The following BLTP1 variants were observed in gnomAD, a reference collection of about 807,000 sequenced individuals.
The protein encoded by BLTP1 is fragile site-associated protein.
the BLTP1 span, chr4:122,183,611 C>T: frequency 1.4e-6 from 1 of 729,490 alleles, no homozygotes; most frequent in Non-Finnish European, 1.7e-6. Flanking sequence ...ATTTAGCAGA[C>T]CTAGGTTTTT....
the BLTP1 span, among the ~76,000 whole-genome samples, chr4:122,157,196 C>T: frequency 5.9e-5 from 9 of 152,134 alleles, no homozygotes; most frequent in Non-Finnish European, 1.0e-4. Flanking sequence ...CAAATTATCC[C>T]AGAACTTAGG....
chr4:122,349,221 G>A, the BLTP1 span: 2 of 1,613,428 alleles, frequency 1.2e-6, no homozygotes, highest in Admixed American at 3.3e-5. The surrounding 1 kb of genome is among the most constrained non-coding windows in gnomAD (Gnocchi z 4.5). Flanking sequence ...GTGATCGAGA[G>A]ATCAGCATGT....
chr4:122,195,016 C>G, the BLTP1 span, among the ~76,000 whole-genome samples: 2 of 152,158 alleles, frequency 1.3e-5, no homozygotes, highest in African/African-American at 4.8e-5. Flanking sequence ...GCAGCCGTTT[C>G]CTCTTCTCCT....
At chr4:122,325,003 G>A in the BLTP1 span, among the ~76,000 whole-genome samples, 23 of 151,996 alleles carry the variant, frequency 1.5e-4, no homozygotes, top group African/African-American at 2.6e-4. Flanking sequence ...GCACTATAAC[G>A]TAAGAAGTAT....
chr4:122,285,112 T>C, the BLTP1 span, among the ~76,000 whole-genome samples: 1 of 152,150 alleles, frequency 6.6e-6, no homozygotes, highest in Non-Finnish European at 1.5e-5. Context: ...TGGTCACTTA[T>C]TCAGGGCACC....
chr4:122,356,513 A>G, the BLTP1 span: 1 of 1,148,996 alleles, frequency 8.7e-7, no homozygotes, highest in Non-Finnish European at 1.2e-6. Flanking sequence ...GATATTACTC[A>G]TTTCTTTACA....
chr4:122,181,167 A>G, the BLTP1 span: 1 of 362,896 alleles, frequency 2.8e-6, no homozygotes, highest in African/African-American at 2.2e-5. Context: ...ACAATCATCT[A>G]TAAAGCAGAT....
At chr4:122,190,150 G>A in the BLTP1 span, 8 of 1,585,810 alleles carry the variant, frequency 5.0e-6, no homozygotes, top group Admixed American at 1.4e-4. Flanking sequence ...AGGCTGGAAT[G>A]CAGTGGCGTA....
At chr4:122,300,299 G>A in the BLTP1 span, among the ~76,000 whole-genome samples, 4 of 152,094 alleles carry the variant, frequency 2.6e-5, no homozygotes, top group Admixed American at 1.3e-4. Context: ...ATGAGCCACC[G>A]TGCCTGGCCC....
chr4:122,222,937 A>G, the BLTP1 span: 22 of 924,206 alleles, frequency 2.4e-5, no homozygotes, highest in Non-Finnish European at 2.8e-5. Flanking sequence ...CATGTAGGCT[A>G]TACCTTAGGA....
At chr4:122,247,152 A>AT in the BLTP1 span, 2 of 1,598,244 alleles carry the variant, frequency 1.3e-6, no homozygotes, top group Non-Finnish European at 1.7e-6. Flanking sequence ...CTTTTTTTTC[A>AT]TAAAGAGGTG....
At chr4:122,172,011 A>T in the BLTP1 span, 1 of 809,310 alleles carries the variant, frequency 1.2e-6, no homozygotes, top group Non-Finnish European at 1.5e-6. Context: ...GTAAAAATTT[A>T]TACAAAATGA....
chr4:122,264,531 A>G, the BLTP1 span: 1 of 984,568 alleles, frequency 1.0e-6, no homozygotes, highest in Non-Finnish European at 1.4e-6. Context: ...GTGAGGCTAT[A>G]CCTTACCTAT....
chr4:122,170,547 TC>T, the BLTP1 span: 1 of 1,404,062 alleles, frequency 7.1e-7, no homozygotes. Context: ...ACCCTTTTTT[TC>T]CCTTAATGAT....
chr4:122,334,470 TCTC>T, the BLTP1 span: 2 of 1,612,914 alleles, frequency 1.2e-6, no homozygotes, highest in Non-Finnish European at 8.5e-7. Flanking sequence ...ATCTCCTCCT[TCTC>T]CTCCTTTACC....
chr4:122,217,335 A>G, the BLTP1 span, among the ~76,000 whole-genome samples: 2 of 150,274 alleles, frequency 1.3e-5, no homozygotes, highest in Non-Finnish European at 3.0e-5. Context: ...TTTGCTATGC[A>G]GGTTCTTTTT....
At chr4:122,304,689 G>A in the BLTP1 span, 4 of 1,479,810 alleles carry the variant, frequency 2.7e-6, no homozygotes, top group East Asian at 7.2e-5. Context: ...CCTGTTCATG[G>A]TTTAAAACAC....
chr4:122,343,805 GA>G, the BLTP1 span: 1 of 473,708 alleles, frequency 2.1e-6, no homozygotes, highest in East Asian at 1.5e-4. Flanking sequence ...AATTATACAA[GA>G]ATTTTAAAAT....
chr4:122,359,806 T>A, the BLTP1 span: 1 of 1,497,776 alleles, frequency 6.7e-7, no homozygotes, highest in Non-Finnish European at 8.8e-7. Context: ...TTACATATGA[T>A]TATCAAAAAA....
Sources: gnomAD v4.1 joint callset for allele counts (sites outside exome capture counted in the v4.1 genomes callset) on GRCh38, gnomAD v4.1.1 for gene constraint, Gnocchi (gnomAD v3.1) non-coding constraint, MANE v1.5 for transcripts, NCBI Gene and HGNC (gene_info 2026-07-23, HGNC 2026-07-21) for gene names.